MPV17L: variants seen among roughly 807,000 people sequenced by gnomAD.
MPV17L encodes mpv17-like protein.
Under a neutral mutation model 25.8 loss-of-function variants are expected in MPV17L, and 24 were observed. The ratio of observed to expected loss-of-function variants is 0.93; its 90% confidence interval spans 0.67 to 1.31. The LOEUF is 1.31. Ranked by LOEUF, MPV17L falls within the 50% of genes most tolerant of loss-of-function variation. MPV17L has a pLI of 0.00. For missense variants in MPV17L, 250 were observed against 265.6 expected (o/e 0.94, Z 0.41); for synonymous variants, 102 against 115.3 (o/e 0.88, Z 0.74).
In MPV17L at chr16:15,411,544, A is replaced by G. The variant is rs2050733724; in HGVS notation, c.*3432A>G. 1 of 152,176 alleles carries G rather than the reference A, an allele frequency of 6.6e-6. No homozygotes were observed. 9.4% of individuals were successfully genotyped at this position (152,176 alleles called of 1,614,324 possible). ...GCCTGTAGTCCCAGCTACTTGGAAGACTCATGCAGGAGGATCTCTCGAGCT... is the reference window on the plus strand; with the variant it reads ...GCCTGTAGTCCCAGCTACTTGGAAGGCTCATGCAGGAGGATCTCTCGAGCT... On this transcript the variant is annotated 3_prime_UTR_variant, in exon 4 of 4. Transcript: ENST00000396385.
At chr16:15,404,076 G>T (rs1389840693) in intron 2 of MPV17L, among the ~76,000 whole-genome samples, 1 of 152,138 alleles carries the variant, frequency 6.6e-6, no homozygotes, top group African/African-American at 2.4e-5. Flanking sequence ...CTGCACTCCA[G>T]CCTGGGTAAC....
intron 2 of MPV17L, among the ~76,000 whole-genome samples, chr16:15,405,927 G>A (rs534142096): frequency 9.9e-5 from 15 of 151,794 alleles, no homozygotes; most frequent in African/African-American, 3.1e-4. Flanking sequence ...GGTGGCTCAC[G>A]CCTGTAATCC....
chr16:15,406,718 G>T (rs549343786), intron 2 of MPV17L, among the ~76,000 whole-genome samples: 1 of 152,052 alleles, frequency 6.6e-6, no homozygotes, highest in Non-Finnish European at 1.5e-5. Flanking sequence ...CTGAGGTCAG[G>T]AGTTCAAGAC....
In MPV17L at chr16:15,411,118, G is replaced by T. The variant is rs1459377623; in HGVS notation, c.*3006G>T. 1 of 152,294 alleles carries T rather than the reference G, an allele frequency of 6.6e-6. No individual in the cohort carries two copies. The highest frequency in any genetic ancestry group is 2.4e-5 in the African/African-American group (1 of 41,446). The allele number at this position is 152,294 out of a possible 1,614,324, so 9.4% of individuals were successfully genotyped here. On this transcript the variant is annotated 3_prime_UTR_variant, in exon 4 of 4. Transcript: ENST00000396385. ...ATGGTGGCGGGCGCCTGTAGTCCCA[G>T]CTGCTCTGGAGGCTGAGGCAGGAGA...
rs2050718271 is a variant in MPV17L at position 15,409,863 on chromosome 16, A to G, written c.*1751A>G. On this transcript the variant is annotated 3_prime_UTR_variant, in exon 4 of 4. Transcript: ENST00000396385. ...AAACAGAGTAGTGTATGATTGGCGT[A>G]TTCTGTGTAGAATGTATTTTATTGA... 6.6e-6 allele frequency: 1 copy of G among 152,246 alleles called. No homozygotes were observed. The highest frequency in any genetic ancestry group is 1.5e-5 in the Non-Finnish European group (1 of 68,044). The allele number at this position is 152,246 out of a possible 1,614,324, so 9.4% of individuals were successfully genotyped here.
chr16:15,407,397 A>G (rs2050689745), intron 2 of MPV17L, among the ~76,000 whole-genome samples: 3 of 152,084 alleles, frequency 2.0e-5, no homozygotes, highest in African/African-American at 7.2e-5. Context: ...TTGTTGGCCT[A>G]GTATTTCTTA....
At position 15,410,411 on chromosome 16, in the gene MPV17L, C is replaced by A. The variant is rs1045987580; in HGVS notation, c.*2299C>A. 1 of 152,090 alleles carries A rather than the reference C, an allele frequency of 6.6e-6. No homozygotes were observed. The allele number at this position is 152,090 out of a possible 1,614,324, so 9.4% of individuals were successfully genotyped here. A position where few individuals can be genotyped will look rare whatever the true frequency, so the allele number is the denominator to read the frequency against. On this transcript the variant is annotated 3_prime_UTR_variant, in exon 4 of 4. Transcript: ENST00000396385. ...CTAAAAATACAAAAAATTAGCCAGG[C>A]GTGGTGGTGGGCGCCTGTAGTCCCA...
intron 2 of MPV17L, among the ~76,000 whole-genome samples, chr16:15,403,039 A>G (rs558456841): frequency 1.8e-4 from 27 of 151,274 alleles, no homozygotes; most frequent in South Asian, 6.3e-4. Context: ...TGTAAAGTCT[A>G]TGGAGATATG....
chr16:15,396,938 G>T, intron 1 of MPV17L, among the ~76,000 whole-genome samples: 2 of 152,150 alleles, frequency 1.3e-5, no homozygotes, highest in Non-Finnish European at 2.9e-5. Flanking sequence ...GGCCTGGGGT[G>T]TGGGGGACAG....
chr16:15,401,086 ATTTTTTT>A (rs1242552489), intron 2 of MPV17L, among the ~76,000 whole-genome samples: 1 of 19,860 alleles, frequency 5.0e-5, no homozygotes, highest in African/African-American at 1.7e-4. Flanking sequence ...ATATATATAT[ATTTTTTT>A]TTTTTTTTTT....
Position 15,395,794 on chromosome 16 carries a change from G to C in MPV17L, c.-104G>C, listed in dbSNP as rs2050572266. On this transcript the variant is annotated 5_prime_UTR_variant, in exon 1 of 4. Coordinates refer to ENST00000396385, the MANE Select transcript of MPV17L (RefSeq NM_001128423.2). ...TCTGGAGGGGGCAGATGCAGGTGCCGGCTGCTGCAGTGCAGTAGCTGCTGG... is the reference window on the plus strand; with the variant it reads ...TCTGGAGGGGGCAGATGCAGGTGCCCGCTGCTGCAGTGCAGTAGCTGCTGG... The C allele has an allele frequency of 6.7e-6, 7 of 1,046,948 alleles. No individual in the cohort carries two copies. Among genetic ancestry groups the C allele is most frequent in the East Asian group, 3.3e-5 (1 of 30,588 alleles). 64.9% of individuals were successfully genotyped at this position (1,046,948 alleles called of 1,614,324 possible).
At chr16:15,396,298 G>A (rs1355229450) in intron 1 of MPV17L, 91 bp downstream of exon 1, 4 of 1,458,098 alleles carry the variant, frequency 2.7e-6, no homozygotes, top group East Asian at 5.1e-5. Context: ...GAGGGAGGGC[G>A]CTGCAGGAGC....
chr16:15,410,657 T>C lies in MPV17L; in HGVS notation c.*2545T>C, dbSNP rs2050725847. ...AAGTTGTGAAGCCCTGAACTGTTAA[T>C]TTATCCTGAGAATGTATATTTAAGC... On this transcript the variant is annotated 3_prime_UTR_variant, in exon 4 of 4. Transcript: ENST00000396385. The C allele has an allele frequency of 6.6e-6, 1 of 152,234 alleles. No individual in the cohort carries two copies. Among genetic ancestry groups the C allele is most frequent in the African/African-American group, 2.4e-5 (1 of 41,468 alleles). 9.4% of individuals were successfully genotyped at this position (152,234 alleles called of 1,614,324 possible).
intron 2 of MPV17L, among the ~76,000 whole-genome samples, chr16:15,404,109 TAAAAA>T (rs1334509943): frequency 6.6e-6 from 1 of 151,646 alleles, no homozygotes; most frequent in Non-Finnish European, 1.5e-5. Flanking sequence ...TGTCTCAAAA[TAAAAA>T]AATAAAATAA....
At chr16:15,396,837 C>T (rs1253793355) in intron 1 of MPV17L, among the ~76,000 whole-genome samples, 1 of 152,080 alleles carries the variant, frequency 6.6e-6, no homozygotes, top group Admixed American at 6.5e-5. Context: ...TGGGGTCTCA[C>T]GGAAAACATC....
intron 2 of MPV17L, among the ~76,000 whole-genome samples, chr16:15,404,797 G>T (rs1322842670): frequency 1.3e-5 from 2 of 152,134 alleles, no homozygotes; most frequent in South Asian, 4.1e-4. Flanking sequence ...ACTCCAGCCT[G>T]GGTGACAGAG....
rs2050708911 is a variant in MPV17L, at chr16:15,409,008, C to G, written c.*896C>G. On this transcript the variant is annotated 3_prime_UTR_variant, in exon 4 of 4. Coordinates refer to ENST00000396385, the MANE Select transcript of MPV17L (RefSeq NM_001128423.2). ...GTGTTGGCCAGGATGGTCTTGATCT[C>G]CTGACCGCATAATCCACCCACCTCG... 1 of 151,512 alleles carries G rather than the reference C, an allele frequency of 6.6e-6. No individual in the cohort carries two copies. The highest frequency in any genetic ancestry group is 1.5e-5 in the Non-Finnish European group (1 of 68,030). The allele number at this position is 151,512 out of a possible 1,614,324, so 9.4% of individuals were successfully genotyped here. A position where few individuals can be genotyped will look rare whatever the true frequency, so the allele number is the denominator to read the frequency against.
chr16:15,398,506 C>T (rs1039549770), intron 1 of MPV17L, among the ~76,000 whole-genome samples: 19 of 152,170 alleles, frequency 1.2e-4, no homozygotes, highest in Admixed American at 1.2e-3. Flanking sequence ...AGACTTGAAC[C>T]TAAGTCCAGG....
At position 15,404,726 on chromosome 16, in the gene MPV17L, G is replaced by T. The variant is rs868560266; in HGVS notation, c.382-3098G>T. On this transcript the variant is annotated intron_variant, in intron 2 of 3. Transcript: ENST00000396385. ...AATCCCAGCTACTCGGGAGGCTGAGGCAGGAGAATCACTTGAACCCGGGAG... is the reference window on the plus strand; with the variant it reads ...AATCCCAGCTACTCGGGAGGCTGAGTCAGGAGAATCACTTGAACCCGGGAG... Among the ~76,000 whole-genome samples, 8 of 152,262 alleles carry T rather than the reference G, an allele frequency of 5.3e-5. No individual in the cohort carries two copies. The South Asian group carries it at 6.2e-4, about 12-fold the overall frequency.
Sources: allele counts gnomAD v4.1 joint callset (sites outside exome capture counted in the v4.1 genomes callset), GRCh38; gene constraint gnomAD v4.1.1; transcripts MANE v1.5; gene names NCBI Gene and HGNC (gene_info 2026-07-23, HGNC 2026-07-21).